Variants in CDK14 observed in about 807,000 individuals in gnomAD.
The protein encoded by CDK14 is cyclin-dependent kinase 14.
A neutral mutation model predicts 60.7 loss-of-function variants in CDK14; 34 were observed. The ratio of observed to expected loss-of-function variants is 0.56; its 90% CI spans 0.43 to 0.75. CDK14 has a LOEUF of 0.75. Ranked by LOEUF, CDK14 falls within the 30% of genes least tolerant of loss-of-function variation. CDK14 has a pLI of 0.00. For missense variants in CDK14, 482 were observed against 564.1 expected, an observed-to-expected ratio of 0.85 and a Z score of 1.47; for synonymous variants, 197 against 203.7, an observed-to-expected ratio of 0.97 and a Z score of 0.28.
At chr7:90,841,173 T>C (rs1232365241) in intron 5 of CDK14, among the ~76,000 whole-genome samples, 1 of 152,118 alleles carries the variant, frequency 6.6e-6, no homozygotes, top group African/African-American at 2.4e-5. Flanking sequence ...ATTTGAAAAA[T>C]AAAAGTTACA....
intron 2 of CDK14, among the ~76,000 whole-genome samples, chr7:90,630,584 G>A (rs1453590854): frequency 6.6e-6 from 1 of 152,124 alleles, no homozygotes; most frequent in Non-Finnish European, 1.5e-5. Context: ...ACAAAGTAAC[G>A]TCTACCATTC....
rs538759226 is a variant in CDK14, at chr7:91,134,740, T to C, written c.*28+16532T>C. 2.0e-4 allele frequency among the ~76,000 whole-genome samples: 30 copies of C among 152,132 alleles called. No individual in the cohort carries two copies. In the South Asian group the frequency reaches 5.6e-3, roughly 28 times the overall value. ...AATATATACATTAGCTGGGCAGTAG[T>C]GGCATGTGCCTGTAATCCCAGTGAC... is the stretch of plus-strand genomic sequence containing the variant. On this transcript the variant is annotated intron_variant, in intron 14 of 14. Transcript: ENST00000380050.
chr7:90,897,053 C>G (rs952994018), intron 6 of CDK14, among the ~76,000 whole-genome samples: 1 of 151,970 alleles, frequency 6.6e-6, no homozygotes, highest in African/African-American at 2.4e-5. Flanking sequence ...TAAGCAAAAC[C>G]CTTCAAGATT....
intron 14 of CDK14, among the ~76,000 whole-genome samples, chr7:91,139,424 T>C (rs803165): frequency 0.59 from 88,985 of 152,004 alleles, 27,738 homozygotes; most frequent in East Asian, 0.97. Context: ...GCATTTTTTC[T>C]AGTGAGTTGT....
intron 2 of CDK14, among the ~76,000 whole-genome samples, chr7:90,701,706 A>C (rs1308304513): frequency 6.6e-6 from 1 of 152,204 alleles, no homozygotes; most frequent in Non-Finnish European, 1.5e-5. Flanking sequence ...ATCAACTTGA[A>C]GTGGCTAAAG....
At chr7:90,896,769 A>G (rs1168879105) in intron 6 of CDK14, among the ~76,000 whole-genome samples, 1 of 152,202 alleles carries the variant, frequency 6.6e-6, no homozygotes, top group Non-Finnish European at 1.5e-5. Flanking sequence ...AATATCAAAA[A>G]TGAAAAGAAT....
At position 91,160,226 on chromosome 7, in the gene CDK14, C is replaced by T. The variant is rs192603956; in HGVS notation, c.*28+42018C>T. Among the ~76,000 whole-genome samples, 31 of 152,256 alleles carry T rather than the reference C, an allele frequency of 2.0e-4. No homozygotes were observed. In the East Asian group the frequency reaches 5.8e-3, roughly 28 times the overall value. On this transcript the variant is annotated intron_variant, in intron 14 of 14. Coordinates refer to ENST00000380050, the MANE Select transcript of CDK14 (RefSeq NM_001287135.2). ...TGAATCATCTGAGTGTCAAAAGACC[C>T]TGTGCCCTCGGCTCTGCCTTCCCCA...
chr7:91,012,531 G>A (rs1441032328), intron 10 of CDK14, among the ~76,000 whole-genome samples: 2 of 152,100 alleles, frequency 1.3e-5, no homozygotes, highest in Admixed American at 6.5e-5. Context: ...GACTTCCTCT[G>A]GGTTTCTCCT....
At chr7:90,987,943 T>A (rs1484529179) in intron 10 of CDK14, among the ~76,000 whole-genome samples, 1 of 152,166 alleles carries the variant, frequency 6.6e-6, no homozygotes, top group Non-Finnish European at 1.5e-5. Context: ...TTTTGTGTTT[T>A]AATACAAGGA....
intron 12 of CDK14, among the ~76,000 whole-genome samples, chr7:91,080,528 A>G (rs1195815079): frequency 6.6e-6 from 1 of 152,190 alleles, no homozygotes; most frequent in Admixed American, 6.5e-5. Flanking sequence ...CTTAACCTCA[A>G]GGCTCCCCTG....
At chr7:91,135,394 G>A (rs1158788828) in intron 14 of CDK14, among the ~76,000 whole-genome samples, 1 of 152,172 alleles carries the variant, frequency 6.6e-6, no homozygotes, top group African/African-American at 2.4e-5. Context: ...GCAGTGGCAG[G>A]ACCAGGCATC....
chr7:91,117,965 G>T, intron 13 of CDK14, 100 bp from the exon 14 acceptor site: 1 of 628,792 alleles, frequency 1.6e-6, no homozygotes, highest in Non-Finnish European at 2.7e-6. Flanking sequence ...CAGTGTGCTG[G>T]GCATCCAAAC....
intron 8 of CDK14, among the ~76,000 whole-genome samples, chr7:90,933,531 T>C (rs1349254854): frequency 6.6e-6 from 1 of 152,210 alleles, no homozygotes; most frequent in Non-Finnish European, 1.5e-5. Context: ...GGCTGTAGAT[T>C]GTTTTCAAAC....
chr7:91,036,951 C>T (rs753130841), intron 10 of CDK14, among the ~76,000 whole-genome samples: 6 of 152,156 alleles, frequency 3.9e-5, no homozygotes, highest in Non-Finnish European at 7.3e-5. Flanking sequence ...ACACTGAAGG[C>T]GAAGGTTGTG....
At chr7:90,973,757 G>T (rs11976893) in intron 9 of CDK14, among the ~76,000 whole-genome samples, 23,475 of 152,070 alleles carry the variant, frequency 0.15, 1,930 homozygotes, top group Non-Finnish European at 0.18. Flanking sequence ...AGGAGAGGGG[G>T]TGTACTTACA....
chr7:90,872,390 C>A (rs1217994772), intron 6 of CDK14, among the ~76,000 whole-genome samples: 1 of 152,108 alleles, frequency 6.6e-6, no homozygotes, highest in Non-Finnish European at 1.5e-5. Flanking sequence ...CAGATGTAAA[C>A]ATTGTGGATG....
chr7:90,719,996 C>T (rs1330018241), intron 2 of CDK14, among the ~76,000 whole-genome samples: 1 of 152,090 alleles, frequency 6.6e-6, no homozygotes, highest in Non-Finnish European at 1.5e-5. Flanking sequence ...TTTGGGAAAA[C>T]CATTTTTAAC....
intron 14 of CDK14, among the ~76,000 whole-genome samples, chr7:91,136,245 A>T (rs1256039653): frequency 1.3e-5 from 2 of 152,150 alleles, no homozygotes; most frequent in Non-Finnish European, 2.9e-5. Context: ...TTTCTAAAAT[A>T]TGATGTTCTA....
At chr7:90,772,221 A>G (rs945400920) in intron 4 of CDK14, among the ~76,000 whole-genome samples, 1 of 152,214 alleles carries the variant, frequency 6.6e-6, no homozygotes, top group African/African-American at 2.4e-5. Context: ...TTCTGCCTCC[A>G]TGTGCCTGCC....
Sources: gnomAD v4.1 joint callset for allele counts (sites outside exome capture counted in the v4.1 genomes callset) on GRCh38, gnomAD v4.1.1 for gene constraint, MANE v1.5 for transcripts, NCBI Gene and HGNC (gene_info 2026-07-23, HGNC 2026-07-21) for gene names.